Variants in CNTN5 observed in about 807,000 individuals in gnomAD.
CNTN5 encodes the protein contactin-5.
CNTN5 carries 77 observed loss-of-function variants against 129.1 expected under a neutral mutation model. The ratio of observed to expected loss-of-function variants is 0.60; its 90% confidence interval spans 0.50 to 0.72. CNTN5 has a LOEUF of 0.72. CNTN5 is among the 30% of genes least tolerant of loss of function. CNTN5 has a pLI of 0.00. For synonymous variants in CNTN5, 509 were observed against 465.6 expected (o/e 1.09, Z -1.20); for missense variants, 1,478 against 1,328.8 (o/e 1.11, Z -1.75).
rs546252509 is a variant in CNTN5, at chr11:99,682,040, C to T, written c.55+125771C>T. On this transcript the variant is annotated intron_variant, in intron 3 of 24. Coordinates refer to ENST00000524871, the MANE Select transcript of CNTN5 (RefSeq NM_014361.4). ...ATTTTAGGTCTAGGCAAAAAATTTT[C>T]TTCAAGAATCAAGTGTACAGAAAAA... 2.2e-4 allele frequency among the ~76,000 whole-genome samples: 33 copies of T among 151,964 alleles called. 1 individual carries two copies. In the South Asian group the frequency reaches 4.6e-3, roughly 21 times the overall value.
chr11:99,624,158 C>G (rs1951050274), intron 3 of CNTN5, among the ~76,000 whole-genome samples: 1 of 151,652 alleles, frequency 6.6e-6, no homozygotes. Flanking sequence ...GTACTGTGTC[C>G]TTAGGAATAC....
At chr11:99,199,308 TAAGAAAAAACATG>T (rs1315885582) in intron 1 of CNTN5, among the ~76,000 whole-genome samples, 1 of 152,110 alleles carries the variant, frequency 6.6e-6, no homozygotes, top group Non-Finnish European at 1.5e-5. Flanking sequence ...TTAAAGCAAG[TAAGAAAAAACATG>T]AAGTGAACCT....
chr11:99,938,186 C>G (rs1276518745), intron 7 of CNTN5, among the ~76,000 whole-genome samples: 1 of 152,092 alleles, frequency 6.6e-6, no homozygotes, highest in African/African-American at 2.4e-5. Flanking sequence ...GTTCATAGGA[C>G]AAGTGACTCC....
intron 1 of CNTN5, among the ~76,000 whole-genome samples, chr11:99,128,170 C>T (rs565620508): frequency 6.6e-6 from 1 of 152,288 alleles, no homozygotes; most frequent in East Asian, 1.9e-4. Flanking sequence ...CACAGAACCC[C>T]ACAAGCTGAG....
At chr11:99,319,637 A>G (rs1027965586) in intron 1 of CNTN5, among the ~76,000 whole-genome samples, 2 of 152,202 alleles carry the variant, frequency 1.3e-5, no homozygotes, top group East Asian at 1.9e-4. Flanking sequence ...AATTATATAC[A>G]TTATTGACAT....
chr11:100,042,332 A>G (rs1942430714), intron 9 of CNTN5, among the ~76,000 whole-genome samples: 1 of 152,016 alleles, frequency 6.6e-6, no homozygotes, highest in African/African-American at 2.4e-5. Flanking sequence ...GAAAAGTTAT[A>G]AAACTTGGTT....
At chr11:99,220,133 G>A (rs1341860754) in intron 1 of CNTN5, among the ~76,000 whole-genome samples, 3 of 151,902 alleles carry the variant, frequency 2.0e-5, no homozygotes, top group Non-Finnish European at 4.4e-5. Context: ...CTCCCAATAA[G>A]TTCTTCTCCA....
At chr11:99,142,340 TA>T (rs1859562081) in intron 1 of CNTN5, among the ~76,000 whole-genome samples, 1 of 151,828 alleles carries the variant, frequency 6.6e-6, no homozygotes, top group Non-Finnish European at 1.5e-5. Context: ...TATGTGCCAG[TA>T]AAACTGTCGG....
At position 100,317,151 on chromosome 11, in the gene CNTN5, G is replaced by C. The variant is rs565153388; in HGVS notation, c.2730+8683G>C. ...GATGTCGTGGTGGGGATTCCTTCAG[G>C]GGAGAAGCGACAAGGCTGTTGTTCT... On this transcript the variant is annotated intron_variant, in intron 21 of 24. Transcript: ENST00000524871. Among the ~76,000 whole-genome samples, 8 of 152,266 alleles carry C rather than the reference G, an allele frequency of 5.3e-5. No homozygotes were observed. The South Asian group carries it at 1.7e-3, about 32-fold the overall frequency.
chr11:99,781,881 G>C (rs1015562593), intron 3 of CNTN5, among the ~76,000 whole-genome samples: 1 of 152,056 alleles, frequency 6.6e-6, no homozygotes, highest in Non-Finnish European at 1.5e-5. Context: ...TACTGAATGG[G>C]CAAAAACTGG....
At chr11:99,632,089 C>T (rs1951377195) in intron 3 of CNTN5, among the ~76,000 whole-genome samples, 1 of 151,974 alleles carries the variant, frequency 6.6e-6, no homozygotes, top group South Asian at 2.1e-4. Context: ...CCCTGGGGGA[C>T]TTGGAAGGTA....
intron 10 of CNTN5, among the ~76,000 whole-genome samples, chr11:100,068,366 T>C (rs1943774856): frequency 6.6e-6 from 1 of 152,176 alleles, no homozygotes; most frequent in South Asian, 2.1e-4. Flanking sequence ...CTGTGATTAA[T>C]ACCTCTTACT....
chr11:100,088,261 C>T (rs1402508667), intron 13 of CNTN5, among the ~76,000 whole-genome samples: 2 of 151,658 alleles, frequency 1.3e-5, no homozygotes, highest in African/African-American at 4.8e-5. Context: ...GGGAAGTTTA[C>T]AGCACTAAAT....
At chr11:99,426,469 A>G (rs1305537903) in intron 2 of CNTN5, among the ~76,000 whole-genome samples, 1 of 152,192 alleles carries the variant, frequency 6.6e-6, no homozygotes, top group Non-Finnish European at 1.5e-5. Context: ...TTATAAACAA[A>G]TCTATTAAAT....
chr11:99,635,300 T>A (rs1591395368), intron 3 of CNTN5, among the ~76,000 whole-genome samples: 2 of 152,186 alleles, frequency 1.3e-5, no homozygotes, highest in African/African-American at 4.8e-5. Flanking sequence ...AATCTCAGTT[T>A]AGCTATTTTT....
chr11:99,239,130 T>C (rs901706387), intron 1 of CNTN5, among the ~76,000 whole-genome samples: 4 of 151,898 alleles, frequency 2.6e-5, no homozygotes, highest in Non-Finnish European at 5.9e-5. Context: ...ACATAACTGA[T>C]GAATAAGAAT....
intron 1 of CNTN5, among the ~76,000 whole-genome samples, chr11:99,228,978 T>G: frequency 6.6e-6 from 1 of 152,152 alleles, no homozygotes; most frequent in East Asian, 1.9e-4. Context: ...TTACATACAT[T>G]TATAAAGTTT....
intron 16 of CNTN5, among the ~76,000 whole-genome samples, chr11:100,255,350 GT>G (rs1354416151): frequency 6.7e-6 from 1 of 149,324 alleles, no homozygotes; most frequent in Admixed American, 6.7e-5. Flanking sequence ...CTAGCCACTT[GT>G]AGTATTTTAG....
chr11:99,039,513 G>T (rs1021477197), intron 1 of CNTN5, among the ~76,000 whole-genome samples: 1 of 152,128 alleles, frequency 6.6e-6, no homozygotes, highest in Non-Finnish European at 1.5e-5. Flanking sequence ...AACACTAAAA[G>T]TAAAAATGAA....
Sources: allele counts gnomAD v4.1 joint callset (sites outside exome capture counted in the v4.1 genomes callset), GRCh38; gene constraint gnomAD v4.1.1; transcripts MANE v1.5; gene names NCBI Gene and HGNC (gene_info 2026-07-23, HGNC 2026-07-21).